ADAMTS12: variants seen among roughly 807,000 people sequenced by gnomAD.
ADAMTS12 encodes the protein A disintegrin and metalloproteinase with thrombospondin motifs 12.
Under a neutral mutation model 167.8 loss-of-function variants are expected in ADAMTS12, and 118 were observed. The ratio of observed to expected loss-of-function variants is 0.70; its 90% confidence interval spans 0.61 to 0.82. ADAMTS12 has a LOEUF of 0.82. Ranked by LOEUF, ADAMTS12 falls within the 40% of genes least tolerant of loss-of-function variation. The pLI is 0.00. For synonymous variants in ADAMTS12, 704 were observed against 716.9 expected, an observed-to-expected ratio of 0.98 and a Z score of 0.29; for missense variants, 1,916 against 1,998.8, an observed-to-expected ratio of 0.96 and a Z score of 0.79.
intron 18 of ADAMTS12, among the ~76,000 whole-genome samples, chr5:33,586,871 G>A (rs557037102): frequency 1.3e-5 from 2 of 152,314 alleles, no homozygotes; most frequent in South Asian, 2.1e-4. Flanking sequence ...TATCACTGAT[G>A]TGTGTACATA....
At chr5:33,699,774 G>A (rs1396245949) in intron 3 of ADAMTS12, among the ~76,000 whole-genome samples, 1 of 152,098 alleles carries the variant, frequency 6.6e-6, no homozygotes, top group African/African-American at 2.4e-5. Context: ...AGAATGAAAA[G>A]ACAAACTACC....
intron 8 of ADAMTS12, 135 bp from the exon 9 acceptor site, chr5:33,649,101 TCTC>T: frequency 9.8e-7 from 1 of 1,016,270 alleles, no homozygotes. Flanking sequence ...GGCAGAGAAC[TCTC>T]TAGGCCCATC....
At chr5:33,572,105 A>C (rs1746385627) in intron 19 of ADAMTS12, among the ~76,000 whole-genome samples, 2 of 152,174 alleles carry the variant, frequency 1.3e-5, no homozygotes, top group Non-Finnish European at 2.9e-5. Flanking sequence ...GGCAATAATC[A>C]ATAGCTTACC....
In ADAMTS12 at chr5:33,616,057, C is replaced by G. The variant is rs768134898; in HGVS notation, c.2159G>C (p.Gly720Ala). The change falls in exon 15 of 24, where the codon GGG becomes GCG. Residue 720 changes from glycine to alanine, a missense_variant. Gly to Ala is a moderately conservative substitution (Grantham distance 60). Coordinates refer to ENST00000504830, the MANE Select transcript of ADAMTS12 (RefSeq NM_030955.4). ...GTCCCTTGCTCCTTTTGGAATGAGC[C>G]CAATGTCAACATAACCTAAAGAGAG... Reference protein sequence around the residue: ...QKEGSGYVDIGLIPKGARDIR... With the variant: ...QKEGSGYVDIALIPKGARDIR... 2.5e-6 allele frequency: 4 copies of G among 1,613,852 alleles called. No homozygotes were observed. Among genetic ancestry groups the G allele is most frequent in the Admixed American group, 3.3e-5 (2 of 59,990 alleles).
At chr5:33,703,686 T>C (rs578234484) in intron 3 of ADAMTS12, among the ~76,000 whole-genome samples, 2 of 152,316 alleles carry the variant, frequency 1.3e-5, no homozygotes, top group African/African-American at 4.8e-5. Context: ...CTTGACCTAA[T>C]GTCCTTCAGG....
At position 33,549,202 on chromosome 5, in the gene ADAMTS12, C is replaced by T. The variant is rs1341510813; in HGVS notation, c.4302+5G>A. ...AGGACATCTCTCCCTTTGTGGGGGA[C>T]CTACCTGGCTCCAAGGCTCCACCTG... On this transcript the variant is annotated splice_donor_5th_base_variant and intron_variant, in intron 21 of 23. Transcript: ENST00000504830. 2 of 1,611,650 alleles carry T rather than the reference C, an allele frequency of 1.2e-6. No homozygotes were observed. Among genetic ancestry groups the T allele is most frequent in the Non-Finnish European group, 1.7e-6 (2 of 1,178,202 alleles).
chr5:33,709,950 T>C (rs1661764499), intron 3 of ADAMTS12, among the ~76,000 whole-genome samples: 1 of 151,938 alleles, frequency 6.6e-6, no homozygotes, highest in African/African-American at 2.4e-5. Flanking sequence ...TGTAGTAGAG[T>C]AAGCAATCCA....
chr5:33,609,870 A>C (rs1158707240), intron 16 of ADAMTS12, among the ~76,000 whole-genome samples: 4 of 152,218 alleles, frequency 2.6e-5, no homozygotes, highest in Non-Finnish European at 4.4e-5. Flanking sequence ...AGCCATCTGA[A>C]AAAATAATAC....
At chr5:33,818,247 C>T (rs1341424638) in intron 2 of ADAMTS12, among the ~76,000 whole-genome samples, 1 of 151,966 alleles carries the variant, frequency 6.6e-6, no homozygotes, top group Non-Finnish European at 1.5e-5. Context: ...CTGTTTTCAT[C>T]CTTTGACCTA....
At chr5:33,567,465 C>T (rs1478476420) in intron 19 of ADAMTS12, among the ~76,000 whole-genome samples, 1 of 152,104 alleles carries the variant, frequency 6.6e-6, no homozygotes, top group Non-Finnish European at 1.5e-5. Flanking sequence ...TTAGGGATAC[C>T]ATGATTTAGG....
At chr5:33,654,665 T>C (rs1351420771) in intron 7 of ADAMTS12, among the ~76,000 whole-genome samples, 1 of 152,210 alleles carries the variant, frequency 6.6e-6, no homozygotes, top group Non-Finnish European at 1.5e-5. Context: ...ACCCAAGTAG[T>C]GGTGTTTGAT....
intron 5 of ADAMTS12, among the ~76,000 whole-genome samples, chr5:33,678,797 C>T (rs1228257839): frequency 6.6e-6 from 1 of 152,162 alleles, no homozygotes; most frequent in African/African-American, 2.4e-5. Context: ...TTCAGATTAT[C>T]TTGACTACAC....
chr5:33,782,369 A>C (rs1158027410), intron 2 of ADAMTS12, among the ~76,000 whole-genome samples: 1 of 152,160 alleles, frequency 6.6e-6, no homozygotes, highest in Non-Finnish European at 1.5e-5. Flanking sequence ...AAAGCAAGGC[A>C]GTAAAAGAGA....
At chr5:33,637,864 C>T (rs1279815701) in intron 11 of ADAMTS12, 118 bp from the exon 12 acceptor site, 5 of 1,050,118 alleles carry the variant, frequency 4.8e-6, no homozygotes, top group Non-Finnish European at 5.4e-6. Flanking sequence ...TCAAAACTTA[C>T]CTTTTAAATA....
At chr5:33,714,158 C>T (rs962436961) in intron 3 of ADAMTS12, among the ~76,000 whole-genome samples, 1 of 151,996 alleles carries the variant, frequency 6.6e-6, no homozygotes, top group Admixed American at 6.6e-5. Flanking sequence ...CCTACAGCTG[C>T]CTATATGTTA....
In ADAMTS12 at chr5:33,580,378, T is replaced by C. The variant is rs369343676; in HGVS notation, c.2866-3218A>G. 6.6e-5 allele frequency among the ~76,000 whole-genome samples: 10 copies of C among 152,206 alleles called. No homozygotes were observed. In the East Asian group the frequency reaches 1.2e-3, roughly 18 times the overall value. On this transcript the variant is annotated intron_variant, in intron 18 of 23. Coordinates refer to ENST00000504830, the MANE Select transcript of ADAMTS12 (RefSeq NM_030955.4). ...AGACTGAAGTGGGGAAAGCCCCTGA[T>C]AAAACCCTCAGATCTCATGGGAACT...
At chr5:33,804,298 T>C (rs1223592435) in intron 2 of ADAMTS12, among the ~76,000 whole-genome samples, 4 of 152,240 alleles carry the variant, frequency 2.6e-5, no homozygotes, top group Non-Finnish European at 5.9e-5. Flanking sequence ...GGAAGGGATG[T>C]TAGCAAACCC....
intron 4 of ADAMTS12, among the ~76,000 whole-genome samples, 195 bp from the exon 5 acceptor site, chr5:33,683,296 G>A (rs1235581247): frequency 6.6e-6 from 1 of 152,144 alleles, no homozygotes; most frequent in African/African-American, 2.4e-5. Flanking sequence ...ATCTTTCAGG[G>A]TGATAGCTTG....
At chr5:33,595,533 C>T (rs1234399507) in intron 17 of ADAMTS12, among the ~76,000 whole-genome samples, 1 of 152,208 alleles carries the variant, frequency 6.6e-6, no homozygotes, top group African/African-American at 2.4e-5. Flanking sequence ...CTCTTCTGGA[C>T]AGCCTGAAGT....
Sources: allele counts gnomAD v4.1 joint callset (sites outside exome capture counted in the v4.1 genomes callset), GRCh38; gene constraint gnomAD v4.1.1; transcripts MANE v1.5; gene names NCBI Gene and HGNC (gene_info 2026-07-23, HGNC 2026-07-21).